The following RRP12 variants were observed in gnomAD, a reference collection of about 807,000 sequenced individuals.
RRP12 encodes RRP12-like protein.
RRP12 carries 78 observed loss-of-function variants against 157.3 expected under a neutral mutation model. The observed-to-expected ratio is 0.50, with a 90% CI of 0.41 to 0.60. The LOEUF is 0.60. Among genes scored for constraint, RRP12 ranks in the 20% least tolerant of loss-of-function variants. The pLI is 0.00. For synonymous variants in RRP12, 726 were observed against 670.9 expected (o/e 1.08, Z -1.27); for missense variants, 1,521 against 1,679.9 (o/e 0.91, Z 1.65).
At chr10:97,380,337 C>T (rs1439433039) in intron 13 of RRP12, among the ~76,000 whole-genome samples, 1 of 152,178 alleles carries the variant, frequency 6.6e-6, no homozygotes, top group East Asian at 1.9e-4. Flanking sequence ...AGTCTGGGGG[C>T]TGTCCTCAGG....
Position 97,396,143 on chromosome 10 carries a change from G to A in RRP12, c.453+75C>T, listed in dbSNP as rs1844956201. On this transcript the variant is annotated intron_variant, in intron 3 of 33. Transcript: ENST00000370992. ...TGTCCTTCTCTACCCCCACATGCCAGGGGCACTCATCTTCTCGCTAAATCT... is the reference window on the plus strand; with the variant it reads ...TGTCCTTCTCTACCCCCACATGCCAAGGGCACTCATCTTCTCGCTAAATCT... 2.9e-6 allele frequency: 3 copies of A among 1,034,212 alleles called. No homozygotes were observed. The African/African-American group carries it at 4.7e-5, about 16-fold the overall frequency. 64.1% of individuals were successfully genotyped at this position (1,034,212 alleles called of 1,614,324 possible). A position where few individuals can be genotyped will look rare whatever the true frequency, so the allele number is the denominator to read the frequency against.
intron 28 of RRP12, 52 bp from the exon 29 acceptor site, chr10:97,366,285 C>T (rs1184644833): frequency 1.9e-6 from 3 of 1,597,816 alleles, no homozygotes; most frequent in South Asian, 1.1e-5. Flanking sequence ...CCATGCTACT[C>T]ACCCTCATCA....
intron 4 of RRP12, among the ~76,000 whole-genome samples, chr10:97,391,568 T>C (rs527560174): frequency 1.3e-5 from 2 of 151,902 alleles, no homozygotes; most frequent in Admixed American, 6.6e-5. Context: ...CGAAACTCTG[T>C]CTCAAAAATA....
chr10:97,375,924 C>A (rs1048159057), intron 15 of RRP12, among the ~76,000 whole-genome samples: 4 of 152,118 alleles, frequency 2.6e-5, no homozygotes, highest in South Asian at 4.2e-4. Flanking sequence ...GCCAACATGG[C>A]GAAAACTTGT....
chr10:97,368,413 A>G (rs1408424800), intron 25 of RRP12, among the ~76,000 whole-genome samples: 2 of 151,854 alleles, frequency 1.3e-5, no homozygotes, highest in Admixed American at 1.3e-4. Context: ...GCTGGAGTGT[A>G]GTGGTGCAAT....
intron 4 of RRP12, among the ~76,000 whole-genome samples, 179 bp from the exon 5 acceptor site, chr10:97,391,023 G>A (rs1844789183): frequency 2.0e-5 from 3 of 151,972 alleles, no homozygotes; most frequent in South Asian, 2.1e-4. Context: ...CTTTCCACCC[G>A]GGATCCCTGC....
intron 12 of RRP12, 34 bp from the exon 13 acceptor site, chr10:97,380,947 C>A: frequency 6.6e-7 from 1 of 1,514,548 alleles, no homozygotes; most frequent in South Asian, 1.1e-5. Flanking sequence ...GGGCCACGGT[C>A]ACACCACCCT....
chr10:97,385,268 G>C lies in RRP12; in HGVS notation c.1117-11C>G. 2 of 1,605,554 alleles carry C rather than the reference G, an allele frequency of 1.2e-6. No homozygotes were observed. Among genetic ancestry groups the C allele is most frequent in the Non-Finnish European group, 1.7e-6 (2 of 1,172,442 alleles). On this transcript the variant is annotated splice_polypyrimidine_tract_variant and intron_variant, in intron 9 of 33. Transcript: ENST00000370992. Reference sequence around the variant, plus strand: ...ATAGTCGTACAGGGCCTAAAAGTGGGAATAAGCAGGTGACTGAGCATGCAG... The same window carrying C: ...ATAGTCGTACAGGGCCTAAAAGTGGCAATAAGCAGGTGACTGAGCATGCAG...
At position 97,371,327 on chromosome 10, in the gene RRP12, C is replaced by T. The variant is rs1589419446; in HGVS notation, c.2344-246G>A. Reference sequence around the variant, plus strand: ...ACCCAGCTCTGGACAGTGCTCACTCCAGTGGCCTGAGCTCATGGTGCCTGG... The same window carrying T: ...ACCCAGCTCTGGACAGTGCTCACTCTAGTGGCCTGAGCTCATGGTGCCTGG... On this transcript the variant is annotated intron_variant, in intron 20 of 33. Transcript: ENST00000370992. 18 of 557,498 alleles carry T rather than the reference C, an allele frequency of 3.2e-5. No homozygotes were observed. The East Asian group carries it at 5.3e-4, about 16-fold the overall frequency. The allele number at this position is 557,498 out of a possible 1,614,324, so 34.5% of individuals were successfully genotyped here.
rs1012924150 is a variant in RRP12, at chr10:97,393,787, A to G, written c.454-27T>C. The G allele has an allele frequency of 5.0e-6, 8 of 1,593,748 alleles. No individual in the cohort carries two copies. The African/African-American group carries it at 6.7e-5, about 13-fold the overall frequency. Reference sequence around the variant, plus strand: ...TGAGGGCCAGATTGAGGGGGTTTGAATGGATAAAAACTTACACTGAGCAAA... The same window carrying G: ...TGAGGGCCAGATTGAGGGGGTTTGAGTGGATAAAAACTTACACTGAGCAAA... On this transcript the variant is annotated intron_variant, in intron 3 of 33. Transcript: ENST00000370992.
At chr10:97,364,036 C>T (rs1231860472) in intron 29 of RRP12, 133 bp from the exon 30 acceptor site, 10 of 738,750 alleles carry the variant, frequency 1.4e-5, no homozygotes, top group Non-Finnish European at 2.2e-5. Context: ...TTCCTCAGAC[C>T]AATATCATCC....
intron 15 of RRP12, among the ~76,000 whole-genome samples, chr10:97,378,445 A>G (rs1436154420): frequency 2.0e-5 from 3 of 152,204 alleles, no homozygotes; most frequent in Non-Finnish European, 4.4e-5. Flanking sequence ...ATATCTAAAC[A>G]CACGTAAACA....
At chr10:97,371,983 G>A in intron 20 of RRP12, 90 bp downstream of exon 20, 1 of 832,856 alleles carries the variant, frequency 1.2e-6, no homozygotes, top group East Asian at 2.5e-5. Flanking sequence ...GAAGCAGCAA[G>A]GGACAAAGAC....
At chr10:97,378,531 G>C (rs777035029) in intron 15 of RRP12, among the ~76,000 whole-genome samples, 10 of 152,158 alleles carry the variant, frequency 6.6e-5, no homozygotes, top group Non-Finnish European at 1.3e-4. Flanking sequence ...GCGTGTGACT[G>C]TGTATGTGTA....
Position 97,390,735 on chromosome 10 carries a change from TA to T in RRP12, c.636+3del. 1 of 1,597,450 alleles carries T rather than the reference TA, an allele frequency of 6.3e-7. No individual in the cohort carries two copies. Among genetic ancestry groups the T allele is most frequent in the Non-Finnish European group, 8.6e-7 (1 of 1,164,858 alleles). On this transcript the variant is annotated splice_donor_region_variant and intron_variant, in intron 5 of 33. Coordinates refer to ENST00000370992, the MANE Select transcript of RRP12 (RefSeq NM_015179.4). The stretch of plus-strand genomic sequence containing the variant: ...AGATGAGAAACTAAACCCCAGACAC[TA>T]ACCCATCGGAGGACAGAGGTGGAGC...
chr10:97,401,195 C>T lies in RRP12; in HGVS notation c.37G>A (p.Ala13Thr). The change falls in exon 1 of 34, where the codon GCT becomes ACT. Residue 13 changes from alanine (A) to threonine (T), a missense_variant. Transcript: ENST00000370992. ...RSGKLPSGVS[A>T]KLKRWKKGHS... The stretch of plus-strand genomic sequence containing the variant: ...CCTTTCTTCCAGCGCTTCAACTTAG[C>T]TGAGACACCAGAAGGCAACTTTCCC... The T allele has an allele frequency of 1.2e-6, 2 of 1,614,186 alleles. No individual in the cohort carries two copies. The highest frequency in any genetic ancestry group is 1.7e-6 in the Non-Finnish European group (2 of 1,180,040).
Position 97,363,923 on chromosome 10 carries a change from G to A in RRP12, c.3518-20C>T. 1 of 1,612,134 alleles carries A rather than the reference G, an allele frequency of 6.2e-7. No individual in the cohort carries two copies. Among genetic ancestry groups the A allele is most frequent in the South Asian group, 1.1e-5 (1 of 91,040 alleles). The stretch of plus-strand genomic sequence containing the variant: ...CTTCGCCTGGAGCCAAAAAAGAGAG[G>A]CCCATGAGCGCTGTGGGAGCTCCTC... On this transcript the variant is annotated intron_variant, in intron 29 of 33. Coordinates refer to ENST00000370992, the MANE Select transcript of RRP12 (RefSeq NM_015179.4).
At chr10:97,366,289 C>T (rs926734120) in intron 28 of RRP12, 56 bp from the exon 29 acceptor site, 3 of 1,594,090 alleles carry the variant, frequency 1.9e-6, no homozygotes, top group African/African-American at 2.7e-5. Context: ...GCTACTCACC[C>T]TCATCATGAC....
rs555540751 is a variant in RRP12 at position 97,388,647 on chromosome 10, G to A, written c.754-23C>T. 9.3e-6 allele frequency: 15 copies of A among 1,610,668 alleles called. No individual in the cohort carries two copies. In the South Asian group the frequency reaches 1.6e-4, roughly 18 times the overall value. ...GATCTGAGGGGCAAGGAGAGCAGGA[G>A]ACAAGGCCAGATCAGCGTTCCACCA... On this transcript the variant is annotated intron_variant, in intron 6 of 33. Coordinates refer to ENST00000370992, the MANE Select transcript of RRP12 (RefSeq NM_015179.4).
Sources: gnomAD v4.1 joint callset for allele counts (sites outside exome capture counted in the v4.1 genomes callset) on GRCh38, gnomAD v4.1.1 for gene constraint, MANE v1.5 for transcripts, NCBI Gene and HGNC (gene_info 2026-07-23, HGNC 2026-07-21) for gene names.